The following CDH12 variants were observed in gnomAD, a reference collection of about 807,000 sequenced individuals.
CDH12 encodes cadherin 12.
Under a neutral mutation model 74.1 loss-of-function variants are expected in CDH12, and 41 were observed. The observed-to-expected ratio is 0.55, with a 90% CI of 0.43 to 0.72. CDH12 has a LOEUF of 0.72. Ranked by LOEUF, CDH12 falls within the 30% of genes least tolerant of loss-of-function variation. The probability of loss-of-function intolerance (pLI) is 0.00; values close to 1 mark genes in which losing one functional copy is unlikely to be tolerated. For synonymous variants in CDH12, 399 were observed against 355.0 expected (o/e 1.12, Z -1.39); for missense variants, 945 against 977.2 (o/e 0.97, Z 0.44).
chr5:22,184,526 T>C (rs1364842264), intron 4 of CDH12, among the ~76,000 whole-genome samples: 1 of 152,210 alleles, frequency 6.6e-6, no homozygotes, highest in East Asian at 1.9e-4. Context: ...TAACTAGTAA[T>C]TGTGAAACTA....
At chr5:22,739,853 C>A (rs1744933152) in intron 1 of CDH12, among the ~76,000 whole-genome samples, 1 of 152,054 alleles carries the variant, frequency 6.6e-6, no homozygotes. Context: ...CCAACACTTA[C>A]TTGCTTTGTG....
chr5:21,973,362 T>A lies in CDH12; in HGVS notation c.526+1729A>T, dbSNP rs374798034. Among the ~76,000 whole-genome samples the A allele has an allele frequency of 4.6e-5, 7 of 152,332 alleles. No homozygotes were observed. The East Asian group carries it at 1.4e-3, about 29-fold the overall frequency. ...TTCCAAAGATCTTTCCAGTATCTTA[T>A]GACAACACAGTAAATTATATCCCAC... On this transcript the variant is annotated intron_variant, in intron 6 of 14. Transcript: ENST00000382254.
At chr5:22,343,112 C>G (rs1237970758) in intron 3 of CDH12, among the ~76,000 whole-genome samples, 1 of 152,002 alleles carries the variant, frequency 6.6e-6, no homozygotes, top group African/African-American at 2.4e-5. Flanking sequence ...GCCTCAGCCT[C>G]CCAAAGTGCT....
At chr5:22,064,672 T>G (rs558918307) in intron 5 of CDH12, among the ~76,000 whole-genome samples, 21 of 152,318 alleles carry the variant, frequency 1.4e-4, no homozygotes, top group Non-Finnish European at 1.0e-4. Context: ...AAACTAATGA[T>G]GATAAATAAT....
chr5:21,799,165 G>A (rs894466952), intron 10 of CDH12, among the ~76,000 whole-genome samples: 4 of 152,152 alleles, frequency 2.6e-5, no homozygotes, highest in African/African-American at 9.7e-5. Context: ...GAAACTAGAG[G>A]AAAGGTCAGT....
intron 1 of CDH12, among the ~76,000 whole-genome samples, chr5:22,796,972 G>A (rs1331354503): frequency 6.6e-6 from 1 of 152,044 alleles, no homozygotes; most frequent in Non-Finnish European, 1.5e-5. Context: ...ACATTGCAAA[G>A]AGTTAATAAT....
intron 4 of CDH12, among the ~76,000 whole-genome samples, chr5:22,149,137 A>T (rs928439735): frequency 8.5e-5 from 13 of 152,098 alleles, no homozygotes; most frequent in African/African-American, 3.1e-4. Context: ...TAAACAAAAG[A>T]TACTAATCAT....
intron 1 of CDH12, among the ~76,000 whole-genome samples, chr5:22,760,601 C>T (rs1013276910): frequency 6.9e-6 from 1 of 145,802 alleles, no homozygotes; most frequent in African/African-American, 2.6e-5. Context: ...ATTGTTTGAA[C>T]CCGGGAGGCA....
chr5:22,354,511 ACTGT>A (rs1740482663), intron 3 of CDH12, among the ~76,000 whole-genome samples: 1 of 152,196 alleles, frequency 6.6e-6, no homozygotes, highest in Non-Finnish European at 1.5e-5. Flanking sequence ...AGCAGGGCAG[ACTGT>A]CTATTTTTGG....
intron 6 of CDH12, among the ~76,000 whole-genome samples, chr5:21,887,432 T>A (rs577144411): frequency 1.9e-4 from 29 of 152,266 alleles, no homozygotes; most frequent in African/African-American, 7.0e-4. Flanking sequence ...CAAATGAACA[T>A]CAATAGTGAC....
At chr5:22,490,306 C>T (rs1468242640) in intron 2 of CDH12, among the ~76,000 whole-genome samples, 2 of 152,108 alleles carry the variant, frequency 1.3e-5, no homozygotes, top group Non-Finnish European at 2.9e-5. Flanking sequence ...TTTTTATTCT[C>T]TTATAATATT....
At chr5:22,728,131 A>G (rs779853316) in intron 1 of CDH12, among the ~76,000 whole-genome samples, 1 of 151,460 alleles carries the variant, frequency 6.6e-6, no homozygotes, top group Non-Finnish European at 1.5e-5. Flanking sequence ...TTATCCTTTT[A>G]TTTCCTCCCA....
At chr5:22,086,305 G>T (rs760826535) in intron 4 of CDH12, among the ~76,000 whole-genome samples, 3 of 151,496 alleles carry the variant, frequency 2.0e-5, no homozygotes, top group Non-Finnish European at 4.4e-5. Flanking sequence ...GCCAAAATAT[G>T]CTATTTGAAT....
chr5:21,824,705 T>G (rs765764384), intron 8 of CDH12, among the ~76,000 whole-genome samples: 38 of 152,200 alleles, frequency 2.5e-4, no homozygotes, highest in Non-Finnish European at 4.3e-4. Flanking sequence ...CTTAGCTAAA[T>G]GGAAGGCCCC....
intron 1 of CDH12, among the ~76,000 whole-genome samples, chr5:22,506,965 A>G (rs1464911197): frequency 6.6e-6 from 1 of 152,142 alleles, no homozygotes; most frequent in African/African-American, 2.4e-5. Flanking sequence ...TCTTTATGAA[A>G]TGCTCCTCTC....
At chr5:22,315,118 G>GTTTTTTTTTTT (rs1344184080) in intron 3 of CDH12, among the ~76,000 whole-genome samples, 3 of 9,394 alleles carry the variant, frequency 3.2e-4, no homozygotes, top group Admixed American at 1.3e-3. Context: ...TGCCTGCCTG[G>GTTTTTTTTTTT]CTTTTTTTTT....
intron 4 of CDH12, among the ~76,000 whole-genome samples, chr5:22,198,290 A>G (rs933821288): frequency 6.6e-6 from 1 of 151,578 alleles, no homozygotes; most frequent in African/African-American, 2.4e-5. Flanking sequence ...TAACACTTTT[A>G]TTCTACTTGC....
At chr5:22,340,985 G>A (rs1041123223) in intron 3 of CDH12, among the ~76,000 whole-genome samples, 1 of 152,126 alleles carries the variant, frequency 6.6e-6, no homozygotes, top group Non-Finnish European at 1.5e-5. Context: ...GTAACATTAA[G>A]CTTTAGTTCT....
Position 22,139,031 on chromosome 5 carries a change from T to A in CDH12, c.-186-60169A>T, listed in dbSNP as rs192401044. ...GGTACTCCTATAACTTTTCTCCCAA[T>A]AATTTGATGTTTTGGAAAAATTTAG... On this transcript the variant is annotated intron_variant, in intron 4 of 14. Transcript: ENST00000382254. Among the ~76,000 whole-genome samples, 63 of 150,898 alleles carry A rather than the reference T, an allele frequency of 4.2e-4. 1 individual carries two copies. The East Asian group carries it at 8.4e-3, about 20-fold the overall frequency.
Sources: allele counts gnomAD v4.1 joint callset (sites outside exome capture counted in the v4.1 genomes callset), GRCh38; gene constraint gnomAD v4.1.1; transcripts MANE v1.5; gene names NCBI Gene and HGNC (gene_info 2026-07-23, HGNC 2026-07-21).